Variants in UVRAG observed in about 807,000 individuals in gnomAD.
UVRAG encodes the protein UV radiation resistance associated.
Under a neutral mutation model 78.0 loss-of-function variants are expected in UVRAG, and 19 were observed. The ratio of observed to expected loss-of-function variants is 0.24; its 90% CI spans 0.17 to 0.36. UVRAG has a LOEUF of 0.36. UVRAG is among the 10% of genes least tolerant of loss of function. The pLI is 1.00. For synonymous variants in UVRAG, 323 were observed against 324.6 expected (o/e 1.00, Z 0.05); for missense variants, 740 against 853.8 (o/e 0.87, Z 1.66).
chr11:75,891,742 TG>T (rs552582979), intron 5 of UVRAG, among the ~76,000 whole-genome samples: 1 of 152,264 alleles, frequency 6.6e-6, no homozygotes, highest in South Asian at 2.1e-4. Flanking sequence ...AGACCTTGTC[TG>T]TACTAAAATT....
intron 8 of UVRAG, among the ~76,000 whole-genome samples, chr11:75,986,181 T>C (rs1222475669): frequency 1.3e-5 from 2 of 152,184 alleles, no homozygotes; most frequent in African/African-American, 2.4e-5. Context: ...TGAGGCTTCC[T>C]TCCCAAGAAA....
At chr11:75,937,754 T>A (rs529850785) in intron 6 of UVRAG, among the ~76,000 whole-genome samples, 1 of 152,304 alleles carries the variant, frequency 6.6e-6, no homozygotes, top group East Asian at 1.9e-4. Flanking sequence ...TTGGTATTCT[T>A]GCATCTGTGG....
At chr11:76,027,844 A>C (rs959170420) in intron 12 of UVRAG, among the ~76,000 whole-genome samples, 8 of 152,138 alleles carry the variant, frequency 5.3e-5, no homozygotes, top group African/African-American at 1.9e-4. Flanking sequence ...TGTGAGGTAC[A>C]TCATCTTTAA....
chr11:75,973,769 C>T (rs1442247024), intron 7 of UVRAG, among the ~76,000 whole-genome samples: 2 of 152,204 alleles, frequency 1.3e-5, no homozygotes, highest in South Asian at 4.1e-4. Flanking sequence ...CAAGTGTTCT[C>T]ATTGTTCAAT....
intron 1 of UVRAG, among the ~76,000 whole-genome samples, chr11:75,843,284 C>T (rs958013833): frequency 6.6e-6 from 1 of 152,132 alleles, no homozygotes; most frequent in Non-Finnish European, 1.5e-5. Flanking sequence ...TAGATTGACC[C>T]TACAGAAATG....
intron 8 of UVRAG, among the ~76,000 whole-genome samples, chr11:75,984,452 A>G (rs963196763): frequency 2.0e-5 from 3 of 152,218 alleles, no homozygotes; most frequent in Non-Finnish European, 2.9e-5. Flanking sequence ...CTAAGGTTTC[A>G]TGATCAGTAG....
chr11:75,893,006 C>T (rs927596818), intron 5 of UVRAG, among the ~76,000 whole-genome samples: 2 of 151,900 alleles, frequency 1.3e-5, no homozygotes, highest in South Asian at 2.1e-4. Context: ...GGCGAAACCC[C>T]ATCTCTACTA....
intron 7 of UVRAG, among the ~76,000 whole-genome samples, chr11:75,978,713 C>G (rs1044053096): frequency 6.6e-6 from 1 of 152,216 alleles, no homozygotes; most frequent in Non-Finnish European, 1.5e-5. Context: ...TGGTTTACAG[C>G]TCCATCAGGT....
intron 5 of UVRAG, among the ~76,000 whole-genome samples, chr11:75,894,107 A>T (rs1192480790): frequency 6.6e-6 from 1 of 152,206 alleles, no homozygotes; most frequent in East Asian, 1.9e-4. Flanking sequence ...TTAATTTCTG[A>T]CTGTAAGCTA....
At chr11:76,131,804 T>TA (rs1337731650) in intron 14 of UVRAG, among the ~76,000 whole-genome samples, 2 of 152,220 alleles carry the variant, frequency 1.3e-5, no homozygotes, top group Non-Finnish European at 2.9e-5. Context: ...TTAAAACTAT[T>TA]AACCCCCAGC....
intron 8 of UVRAG, among the ~76,000 whole-genome samples, chr11:75,996,332 T>C (rs1845225559): frequency 6.6e-6 from 1 of 152,108 alleles, no homozygotes; most frequent in East Asian, 1.9e-4. Context: ...AGAAGGAGCA[T>C]TGATTTTTAT....
chr11:75,977,852 G>C (rs959736661), intron 7 of UVRAG, among the ~76,000 whole-genome samples: 1 of 152,050 alleles, frequency 6.6e-6, no homozygotes, highest in Non-Finnish European at 1.5e-5. Context: ...TTTAATTGGA[G>C]CATTTAGCCC....
At chr11:76,123,017 C>T (rs1358664333) in intron 14 of UVRAG, among the ~76,000 whole-genome samples, 2 of 152,186 alleles carry the variant, frequency 1.3e-5, no homozygotes, top group African/African-American at 2.4e-5. Context: ...GCCAAGATCA[C>T]GTGATACTAA....
chr11:76,015,459 G>A (rs1482134243), intron 11 of UVRAG, among the ~76,000 whole-genome samples: 1 of 152,116 alleles, frequency 6.6e-6, no homozygotes, highest in Non-Finnish European at 1.5e-5. Context: ...TACTTTGGAA[G>A]GATTCCTTAA....
intron 2 of UVRAG, among the ~76,000 whole-genome samples, chr11:75,853,693 T>C (rs1232040808): frequency 6.6e-6 from 1 of 152,032 alleles, no homozygotes; most frequent in Non-Finnish European, 1.5e-5. Flanking sequence ...AATTCCACTA[T>C]CCTCATGTAA....
At chr11:75,947,047 G>A (rs1327101209) in intron 6 of UVRAG, among the ~76,000 whole-genome samples, 1 of 152,092 alleles carries the variant, frequency 6.6e-6, no homozygotes, top group East Asian at 1.9e-4. Flanking sequence ...CATGCGTGTG[G>A]AGAGGGAGAG....
In UVRAG at chr11:75,897,871, A is replaced by ATTTTTTTTTTTTTTT. The variant is rs146122619; in HGVS notation, c.507+8972_507+8986dup. Among the ~76,000 whole-genome samples the ATTTTTTTTTTTTTTT allele has an allele frequency of 2.9e-3, 315 of 108,852 alleles. 10 individuals are homozygous for ATTTTTTTTTTTTTTT. Among genetic ancestry groups the ATTTTTTTTTTTTTTT allele is most frequent in the African/African-American group, 4.4e-3 (110 of 24,724 alleles). The allele number at this position is 108,852 out of a possible 152,430, so 71.4% of individuals were successfully genotyped here. A position where few individuals can be genotyped will look rare whatever the true frequency, so the allele number is the denominator to read the frequency against. Reference sequence around the variant, plus strand: ...ATATACTTACCTTCATAGCTCTTTAATTTTTTTTTTTTTTTTTTGGACAAG... The same window carrying ATTTTTTTTTTTTTTT: ...ATATACTTACCTTCATAGCTCTTTAATTTTTTTTTTTTTTTTTTTTTTTTTTTTTTTTTGGACAAG... On this transcript the variant is annotated intron_variant, in intron 5 of 14. Coordinates refer to ENST00000356136, the MANE Select transcript of UVRAG (RefSeq NM_003369.4).
intron 13 of UVRAG, among the ~76,000 whole-genome samples, chr11:76,072,618 T>A (rs1233170409): frequency 6.6e-6 from 1 of 152,130 alleles, no homozygotes; most frequent in East Asian, 1.9e-4. Context: ...AATGTATAGT[T>A]CTTAACCACA....
chr11:76,135,724 G>C (rs543167904), intron 14 of UVRAG, among the ~76,000 whole-genome samples: 2 of 152,328 alleles, frequency 1.3e-5, no homozygotes, highest in African/African-American at 4.8e-5. Context: ...GAAATGGCTG[G>C]TGAGGAGAAT....
Sources: allele counts gnomAD v4.1 joint callset (sites outside exome capture counted in the v4.1 genomes callset), GRCh38; gene constraint gnomAD v4.1.1; transcripts MANE v1.5; gene names NCBI Gene and HGNC (gene_info 2026-07-23, HGNC 2026-07-21).